STK32A: variants seen among roughly 807,000 people sequenced by gnomAD.
The protein encoded by STK32A is serine/threonine-protein kinase 32A.
Under a neutral mutation model 53.2 loss-of-function variants are expected in STK32A, and 41 were observed. The ratio of observed to expected loss-of-function variants is 0.77; its 90% CI spans 0.60 to 1.00. STK32A has a LOEUF of 1.00. Among genes scored for constraint, STK32A ranks in the 50% least tolerant of loss-of-function variants. The pLI is 0.00. For missense variants in STK32A, 458 were observed against 485.8 expected (o/e 0.94, Z 0.54); for synonymous variants, 166 against 162.8 (o/e 1.02, Z -0.15).
chr5:147,271,211 T>C (rs960925400), intron 2 of STK32A, among the ~76,000 whole-genome samples: 1 of 152,198 alleles, frequency 6.6e-6, no homozygotes, highest in Non-Finnish European at 1.5e-5. Flanking sequence ...TTAATACTTT[T>C]ATAATTTCTT....
At chr5:147,348,699 C>T (rs759694923) in intron 6 of STK32A, 2 of 774,064 alleles carry the variant, frequency 2.6e-6, no homozygotes, top group East Asian at 4.9e-5. Context: ...ATACAGATAC[C>T]TGGCTCTCCT....
At chr5:147,332,502 A>G (rs1426135349) in intron 5 of STK32A, among the ~76,000 whole-genome samples, 4 of 152,054 alleles carry the variant, frequency 2.6e-5, no homozygotes, top group Non-Finnish European at 4.4e-5. Context: ...CTTATATTGT[A>G]TGTGTTCTGC....
intron 2 of STK32A, among the ~76,000 whole-genome samples, chr5:147,270,374 G>A (rs1239506266): frequency 1.4e-5 from 2 of 141,886 alleles, no homozygotes; most frequent in African/African-American, 2.7e-5. Flanking sequence ...CACCACACTC[G>A]ACTAATGTTT....
intron 4 of STK32A, among the ~76,000 whole-genome samples, chr5:147,322,903 T>C (rs1323058640): frequency 6.6e-6 from 1 of 152,174 alleles, no homozygotes; most frequent in Admixed American, 6.5e-5. Flanking sequence ...TGCAGATGCG[T>C]GCACAGGGTC....
rs1300469922 is a variant in STK32A, at chr5:147,239,467, C to A, written c.-96-72C>A. ...AGTGATACAGATGAGGTTTATGTTT[C>A]CGCCACAGTCTATACTCAGGGTGCC... is the stretch of plus-strand genomic sequence containing the variant. On this transcript the variant is annotated intron_variant, in intron 1 of 12. Transcript: ENST00000397936. 9.2e-6 allele frequency: 5 copies of A among 543,606 alleles called. No individual in the cohort carries two copies. The Admixed American group carries it at 1.1e-4, about 12-fold the overall frequency. The allele number at this position is 543,606 out of a possible 1,614,324, so 33.7% of individuals were successfully genotyped here. A position where few individuals can be genotyped will look rare whatever the true frequency, so the allele number is the denominator to read the frequency against.
At chr5:147,341,252 A>G (rs527331497) in intron 5 of STK32A, among the ~76,000 whole-genome samples, 1 of 152,312 alleles carries the variant, frequency 6.6e-6, no homozygotes, top group Non-Finnish European at 1.5e-5. Flanking sequence ...AAAGAGGTGG[A>G]AAGAGCCCGA....
chr5:147,381,363 C>T (rs1467009361), intron 11 of STK32A, among the ~76,000 whole-genome samples: 1 of 152,112 alleles, frequency 6.6e-6, no homozygotes, highest in Non-Finnish European at 1.5e-5. Context: ...CTTATATTGG[C>T]TGGACATGGT....
intron 5 of STK32A, among the ~76,000 whole-genome samples, chr5:147,334,773 C>T (rs574091567): frequency 5.9e-5 from 9 of 152,302 alleles, no homozygotes; most frequent in African/African-American, 1.9e-4. Flanking sequence ...CAGTTTCTCA[C>T]TATCTAGCTC....
chr5:147,240,393 T>C (rs1753521637), intron 2 of STK32A, among the ~76,000 whole-genome samples: 1 of 152,130 alleles, frequency 6.6e-6, no homozygotes, highest in African/African-American at 2.4e-5. Flanking sequence ...AGGTAGTAAG[T>C]TGTCCAGACC....
intron 11 of STK32A, among the ~76,000 whole-genome samples, chr5:147,376,760 C>T (rs563392604): frequency 3.3e-5 from 5 of 152,280 alleles, no homozygotes; most frequent in African/African-American, 1.2e-4. Context: ...TTCATCTTCA[C>T]ATAGGGGGCT....
chr5:147,278,166 G>A lies in STK32A; in HGVS notation c.95G>A (p.Gly32Asp), dbSNP rs1751857988. Reference protein sequence around the residue: ...HFEILRAIGKGSFGKVCIVQK... With the variant: ...HFEILRAIGKDSFGKVCIVQK... ...GAAATTTTGCGAGCCATTGGGAAAGGCAGTTTTGGGAAGGTGAGAACAAAT... is the reference window on the plus strand; with the variant it reads ...GAAATTTTGCGAGCCATTGGGAAAGACAGTTTTGGGAAGGTGAGAACAAAT... Residue 32 changes from glycine to aspartate, a missense_variant, in exon 3 of 13, where the codon GGC (glycine) becomes GAC (aspartate). By Grantham distance (94) the Gly-to-Asp change is moderately conservative (BLOSUM62 -1). Transcript: ENST00000397936. 3 of 1,599,904 alleles carry A rather than the reference G, an allele frequency of 1.9e-6. No homozygotes were observed. Among genetic ancestry groups the A allele is most frequent in the Non-Finnish European group, 2.6e-6 (3 of 1,172,624 alleles).
At chr5:147,330,836 G>C (rs1754833024) in intron 5 of STK32A, among the ~76,000 whole-genome samples, 1 of 152,116 alleles carries the variant, frequency 6.6e-6, no homozygotes, top group Non-Finnish European at 1.5e-5. Flanking sequence ...GTGATAAATG[G>C]CTATTAGCAC....
chr5:147,399,483 G>A, the STK32A span, among the ~76,000 whole-genome samples: 44 of 90,984 alleles, frequency 4.8e-4, no homozygotes, highest in African/African-American at 1.3e-3. Context: ...TACTGCCCCT[G>A]AAGTATGCAT....
chr5:147,399,310 G>T, the STK32A span: 3 of 1,527,878 alleles, frequency 2.0e-6, no homozygotes, highest in South Asian at 2.6e-5. Flanking sequence ...TCAATTCAGG[G>T]CTTCTGAACT....
intron 2 of STK32A, among the ~76,000 whole-genome samples, chr5:147,260,929 A>G (rs1043537592): frequency 1.2e-4 from 18 of 152,180 alleles, no homozygotes; most frequent in African/African-American, 3.1e-4. Flanking sequence ...TTTGACCACC[A>G]AGGAAGCACT....
chr5:147,373,548 T>G (rs1757099581), intron 10 of STK32A, among the ~76,000 whole-genome samples: 2 of 152,150 alleles, frequency 1.3e-5, no homozygotes, highest in Admixed American at 1.3e-4. Flanking sequence ...AACCACTTTT[T>G]ATGGTCTGTT....
At chr5:147,370,384 A>T (rs1756955091) in intron 8 of STK32A, among the ~76,000 whole-genome samples, 1 of 152,116 alleles carries the variant, frequency 6.6e-6, no homozygotes, top group African/African-American at 2.4e-5. Flanking sequence ...AGTCCACTTG[A>T]ATGTTTTGTT....
At chr5:147,320,426 TG>T (rs1276733835) in intron 4 of STK32A, among the ~76,000 whole-genome samples, 2 of 126,968 alleles carry the variant, frequency 1.6e-5, no homozygotes, top group Non-Finnish European at 3.5e-5. Flanking sequence ...GTTTTAACCT[TG>T]CTTCTCTCCT....
chr5:147,380,514 T>C (rs1757410506), intron 11 of STK32A, among the ~76,000 whole-genome samples: 1 of 152,182 alleles, frequency 6.6e-6, no homozygotes, highest in Non-Finnish European at 1.5e-5. Flanking sequence ...TTTTAAAGAA[T>C]ATTTTCCATC....
Sources: allele counts gnomAD v4.1 joint callset (sites outside exome capture counted in the v4.1 genomes callset), GRCh38; gene constraint gnomAD v4.1.1; transcripts MANE v1.5; gene names NCBI Gene and HGNC (gene_info 2026-07-23, HGNC 2026-07-21).